Variants in ESR1 observed in about 807,000 individuals in gnomAD.
ESR1 encodes estrogen receptor 1, also known as estrogen receptor.
In ESR1, 12 loss-of-function variants were observed where a neutral mutation model predicts 52.7. That is an observed-to-expected ratio of 0.23 (90% CI 0.15 to 0.37). The LOEUF is 0.37. Ranked by LOEUF, ESR1 falls within the 10% of genes least tolerant of loss-of-function variation. The probability of loss-of-function intolerance (pLI) is 1.00; values close to 1 mark genes in which losing one functional copy is unlikely to be tolerated. For missense variants in ESR1, 584 were observed against 779.7 expected, an observed-to-expected ratio of 0.75 and a Z score of 2.99; for synonymous variants, 305 against 316.8, an observed-to-expected ratio of 0.96 and a Z score of 0.39.
intron 2 of ESR1, among the ~76,000 whole-genome samples, chr6:151,873,365 G>A (rs767471012): frequency 7.2e-5 from 11 of 152,124 alleles, no homozygotes; most frequent in Non-Finnish European, 1.6e-4. Flanking sequence ...AACAATCAAT[G>A]TATAACACAC....
At chr6:151,761,993 G>A (rs1003631473) in intron 2 of ESR1, among the ~76,000 whole-genome samples, 7 of 152,142 alleles carry the variant, frequency 4.6e-5, no homozygotes, top group African/African-American at 7.2e-5. Flanking sequence ...TAAACAAAAC[G>A]TGCTTTTTTA....
chr6:152,009,832 A>C (rs900458145), intron 4 of ESR1, among the ~76,000 whole-genome samples: 1 of 152,158 alleles, frequency 6.6e-6, no homozygotes, highest in Admixed American at 6.6e-5. Flanking sequence ...AAACAACCCA[A>C]ATGTCCAATG....
At chr6:151,881,167 G>A (rs1562508044) in intron 3 of ESR1, among the ~76,000 whole-genome samples, 1 of 152,172 alleles carries the variant, frequency 6.6e-6, no homozygotes, top group African/African-American at 2.4e-5. Context: ...ATTGAGACTT[G>A]TAAATGTGAA....
intron 2 of ESR1, among the ~76,000 whole-genome samples, chr6:151,725,282 C>T (rs934047241): frequency 6.6e-6 from 1 of 152,084 alleles, no homozygotes; most frequent in Non-Finnish European, 1.5e-5. Context: ...TTTGTGTTTG[C>T]CAAACATCAT....
At chr6:151,775,614 C>T (rs1785903337) in intron 2 of ESR1, among the ~76,000 whole-genome samples, 1 of 152,032 alleles carries the variant, frequency 6.6e-6, no homozygotes, top group Non-Finnish European at 1.5e-5. Context: ...TGTGCCGTGG[C>T]GGGCGCCTGT....
At chr6:151,673,652 G>A (rs1288883575) in intron 1 of ESR1, among the ~76,000 whole-genome samples, 2 of 152,156 alleles carry the variant, frequency 1.3e-5, no homozygotes, top group African/African-American at 2.4e-5. Flanking sequence ...GGAGGCCGAG[G>A]TGGGAGAATC....
intron 2 of ESR1, among the ~76,000 whole-genome samples, chr6:151,767,875 G>T (rs1291741249): frequency 6.6e-6 from 1 of 152,178 alleles, no homozygotes; most frequent in East Asian, 1.9e-4. Flanking sequence ...GACATTTGTT[G>T]GGTGGGGAGA....
chr6:152,025,463 A>G lies in ESR1; in HGVS notation c.1235+13669A>G, dbSNP rs1362144909. On this transcript the variant is annotated intron_variant, in intron 5 of 7. Transcript: ENST00000206249. ...CTTTCTATTCCTTCTGGAGTCAGAT[A>G]TTGTATATCAAATCTTCTGTTAAAG... Among the ~76,000 whole-genome samples the G allele has an allele frequency of 3.3e-5, 5 of 151,960 alleles. No individual in the cohort carries two copies. The East Asian group carries it at 9.7e-4, about 29-fold the overall frequency.
At chr6:151,680,725 T>C (rs1778426617) in intron 1 of ESR1, among the ~76,000 whole-genome samples, 1 of 152,194 alleles carries the variant, frequency 6.6e-6, no homozygotes, top group Non-Finnish European at 1.5e-5. Flanking sequence ...CCTCCTCCCT[T>C]GTTCCACTAG....
At chr6:152,004,710 G>A (rs532972630) in intron 4 of ESR1, among the ~76,000 whole-genome samples, 1 of 151,726 alleles carries the variant, frequency 6.6e-6, no homozygotes, top group South Asian at 2.1e-4. Context: ...CTGAAGGAAT[G>A]GGTAATGTCA....
intron 5 of ESR1, among the ~76,000 whole-genome samples, chr6:152,012,017 TACACACACACAC>T (rs141508452): frequency 7.1e-6 from 1 of 141,702 alleles, no homozygotes; most frequent in Non-Finnish European, 1.5e-5. Flanking sequence ...TTATTTCTAA[TACACACACACAC>T]ACACACACAC....
At chr6:151,688,292 G>A (rs79347432), upstream of ESR1, among the ~76,000 whole-genome samples, 2,934 of 152,286 alleles carry the variant, frequency 0.019, 36 homozygotes, top group East Asian at 0.033. Flanking sequence ...TACAAAGCAC[G>A]TGTGTTCCCA....
intron 4 of ESR1, among the ~76,000 whole-genome samples, chr6:151,996,646 C>T (rs1026465312): frequency 6.6e-6 from 1 of 152,018 alleles, no homozygotes; most frequent in Admixed American, 6.6e-5. Context: ...GATATCATTC[C>T]CTTTCTAGCA....
intron 4 of ESR1, among the ~76,000 whole-genome samples, chr6:151,951,588 A>T (rs1256786007): frequency 1.3e-5 from 2 of 152,194 alleles, no homozygotes; most frequent in African/African-American, 4.8e-5. Flanking sequence ...CATTCAAATA[A>T]GACCAGTACT....
chr6:151,667,478 G>C lies in ESR1; in HGVS notation n.73+10715G>C, dbSNP rs376402344. Among the ~76,000 whole-genome samples, 12 of 152,256 alleles carry C rather than the reference G, an allele frequency of 7.9e-5. No individual in the cohort carries two copies. In the South Asian group the frequency reaches 2.5e-3, roughly 32 times the overall value. ...CATTTGTGAGGGAGCTGGTCTATTTGATACCTAAGACTCCCCTCCAGCACA... is the reference window on the plus strand; with the variant it reads ...CATTTGTGAGGGAGCTGGTCTATTTCATACCTAAGACTCCCCTCCAGCACA... On this transcript the variant is annotated intron_variant and non_coding_transcript_variant, in intron 1 of 2. Transcript: ENST00000473497.
chr6:151,992,188 C>T (rs1411640855), intron 4 of ESR1, among the ~76,000 whole-genome samples: 2 of 152,168 alleles, frequency 1.3e-5, no homozygotes, highest in African/African-American at 4.8e-5. Context: ...TTACCATTTT[C>T]ACCTCTTGAA....
intron 3 of ESR1, among the ~76,000 whole-genome samples, chr6:151,918,536 A>G (rs995925129): frequency 6.6e-6 from 1 of 152,222 alleles, no homozygotes; most frequent in Non-Finnish European, 1.5e-5. Context: ...ATGAGGTATT[A>G]TGGTTACCCA....
At chr6:152,109,800 G>T (rs1307050895) in intron 6 of ESR1, among the ~76,000 whole-genome samples, 1 of 152,212 alleles carries the variant, frequency 6.6e-6, no homozygotes, top group African/African-American at 2.4e-5. Context: ...CTTTCTAACA[G>T]AACTGCCTAT....
At chr6:152,117,209 C>T (rs1177371821) in intron 6 of ESR1, among the ~76,000 whole-genome samples, 1 of 152,202 alleles carries the variant, frequency 6.6e-6, no homozygotes, top group Non-Finnish European at 1.5e-5. Context: ...GACATGGCCT[C>T]CACTGGGTTC....
Sources: gnomAD v4.1 joint callset for allele counts (sites outside exome capture counted in the v4.1 genomes callset) on GRCh38, gnomAD v4.1.1 for gene constraint, MANE v1.5 for transcripts, NCBI Gene and HGNC (gene_info 2026-07-23, HGNC 2026-07-21) for gene names.